Variants in TSHZ2 observed in about 807,000 individuals in gnomAD.
TSHZ2 encodes teashirt homolog 2.
A neutral mutation model predicts 74.4 loss-of-function variants in TSHZ2; 21 were observed. The ratio of observed to expected loss-of-function variants is 0.28; its 90% CI spans 0.20 to 0.41. TSHZ2 has a LOEUF of 0.41. Ranked by LOEUF, TSHZ2 falls within the 10% of genes least tolerant of loss-of-function variation. The probability of loss-of-function intolerance (pLI) is 1.00; values close to 1 mark genes in which losing one functional copy is unlikely to be tolerated. For synonymous variants in TSHZ2, 540 were observed against 515.3 expected (o/e 1.05, Z -0.65); for missense variants, 1,244 against 1,293.5 (o/e 0.96, Z 0.59).
intron 1 of TSHZ2, among the ~76,000 whole-genome samples, chr20:53,150,519 T>C (rs906951727): frequency 2.0e-5 from 3 of 152,208 alleles, no homozygotes; most frequent in Non-Finnish European, 4.4e-5. Context: ...ATATCCTCAA[T>C]TTAGTCTCTT....
rs1981194441 is a variant in TSHZ2, at chr20:52,973,228, G to C, written c.-66G>C. 1 of 1,548,790 alleles carries C rather than the reference G, an allele frequency of 6.5e-7. No homozygotes were observed. On this transcript the variant is annotated 5_prime_UTR_variant, in exon 1 of 3. Coordinates refer to ENST00000371497, the MANE Select transcript of TSHZ2 (RefSeq NM_173485.6). ...GGAGGAGACCCAGAGAGGCCAGAGA[G>C]ACAGCGGGCCCCAGCGCGCGGCTCG... is the stretch of plus-strand genomic sequence containing the variant.
chr20:53,257,020 T>C (rs909908193), intron 2 of TSHZ2, among the ~76,000 whole-genome samples: 8 of 152,242 alleles, frequency 5.3e-5, no homozygotes, highest in African/African-American at 1.9e-4. Flanking sequence ...TGGAGAGTGC[T>C]AGAAGTAGTT....
intron 2 of TSHZ2, among the ~76,000 whole-genome samples, chr20:53,470,092 T>C (rs1056538850): frequency 6.6e-6 from 1 of 152,150 alleles, no homozygotes; most frequent in Non-Finnish European, 1.5e-5. Context: ...TTTTGTGACC[T>C]CCCTTTCCGA....
At chr20:53,207,684 T>A (rs1209688351) in intron 1 of TSHZ2, among the ~76,000 whole-genome samples, 3 of 151,944 alleles carry the variant, frequency 2.0e-5, no homozygotes, top group African/African-American at 4.8e-5. Context: ...TTTATTTTTT[T>A]ATTTATTTTA....
chr20:53,436,009 T>TA (rs757286904), intron 2 of TSHZ2, among the ~76,000 whole-genome samples: 2 of 152,242 alleles, frequency 1.3e-5, no homozygotes, highest in African/African-American at 2.4e-5. Flanking sequence ...GCCTTGCACG[T>TA]AACAAGTGCT....
intron 2 of TSHZ2, among the ~76,000 whole-genome samples, chr20:53,451,636 C>G (rs889220558): frequency 6.6e-6 from 1 of 152,204 alleles, no homozygotes; most frequent in Non-Finnish European, 1.5e-5. Flanking sequence ...TGTCATGACA[C>G]TGTCTCTCTT....
At chr20:53,453,646 G>A (rs912240222) in intron 2 of TSHZ2, among the ~76,000 whole-genome samples, 4 of 152,176 alleles carry the variant, frequency 2.6e-5, no homozygotes, top group East Asian at 1.9e-4. Flanking sequence ...GTAGGGAGCC[G>A]CTGGCTCTCC....
chr20:53,373,303 A>G (rs156616), intron 2 of TSHZ2, among the ~76,000 whole-genome samples: 3 of 152,218 alleles, frequency 2.0e-5, no homozygotes, highest in Non-Finnish European at 2.9e-5. Context: ...GGAATGATAA[A>G]TTATGAAGAA....
At chr20:53,099,681 C>A (rs1009775043) in intron 1 of TSHZ2, among the ~76,000 whole-genome samples, 3 of 152,122 alleles carry the variant, frequency 2.0e-5, no homozygotes, top group African/African-American at 4.8e-5. Context: ...TGGCAGCCGG[C>A]AAGAAAGAAT....
chr20:53,192,790 T>G (rs1282876285), intron 1 of TSHZ2, among the ~76,000 whole-genome samples: 2 of 152,316 alleles, frequency 1.3e-5, no homozygotes, highest in East Asian at 3.9e-4. Flanking sequence ...CAACTTGAGC[T>G]CACATCTCCT....
intron 1 of TSHZ2, among the ~76,000 whole-genome samples, chr20:53,244,221 A>C (rs1328121474): frequency 6.6e-6 from 1 of 152,104 alleles, no homozygotes; most frequent in East Asian, 1.9e-4. Context: ...GAAAAAAAAA[A>C]CCTCTCCAGT....
intron 1 of TSHZ2, among the ~76,000 whole-genome samples, chr20:52,989,810 T>C (rs1034524806): frequency 3.3e-5 from 5 of 152,116 alleles, no homozygotes; most frequent in Non-Finnish European, 7.4e-5. Flanking sequence ...TTCGTATATG[T>C]TTTTAAAAGA....
At chr20:53,215,569 T>C (rs902308692) in intron 1 of TSHZ2, among the ~76,000 whole-genome samples, 6 of 150,362 alleles carry the variant, frequency 4.0e-5, no homozygotes, top group African/African-American at 9.8e-5. Context: ...AGAGACTATA[T>C]TAAAAATGTA....
At chr20:53,195,837 T>G (rs888340726) in intron 1 of TSHZ2, among the ~76,000 whole-genome samples, 1 of 152,194 alleles carries the variant, frequency 6.6e-6, no homozygotes, top group African/African-American at 2.4e-5. Context: ...TTCTCTCTTC[T>G]GCCCTCCCTC....
At chr20:53,462,613 G>C (rs1340309715) in intron 2 of TSHZ2, among the ~76,000 whole-genome samples, 1 of 152,166 alleles carries the variant, frequency 6.6e-6, no homozygotes, top group Non-Finnish European at 1.5e-5. Context: ...GGCTGTGCTT[G>C]GGAGGACTGA....
intron 1 of TSHZ2, among the ~76,000 whole-genome samples, chr20:53,050,124 T>TATATGTGTATATATATATATAC (rs1409158633): frequency 9.3e-6 from 1 of 107,236 alleles, no homozygotes; most frequent in Admixed American, 8.3e-5. Context: ...TATATATATA[T>TATATGTGTATATATATATATAC]ACACATATAT....
chr20:53,048,081 C>A (rs1037844786), intron 1 of TSHZ2, among the ~76,000 whole-genome samples: 1 of 152,180 alleles, frequency 6.6e-6, no homozygotes, highest in African/African-American at 2.4e-5. Flanking sequence ...TTGAATACAG[C>A]TGGCGCTGAC....
At chr20:53,157,055 C>T (rs1987812174) in intron 1 of TSHZ2, among the ~76,000 whole-genome samples, 1 of 152,214 alleles carries the variant, frequency 6.6e-6, no homozygotes, top group Admixed American at 6.5e-5. Flanking sequence ...AGCTTTATTA[C>T]TGCATGTGTG....
chr20:53,169,988 G>T (rs1405274923), intron 1 of TSHZ2, among the ~76,000 whole-genome samples: 4 of 152,026 alleles, frequency 2.6e-5, no homozygotes, highest in Admixed American at 2.6e-4. Context: ...TTTCTGATCT[G>T]CATACCACCA....
Sources: allele counts gnomAD v4.1 joint callset (sites outside exome capture counted in the v4.1 genomes callset), GRCh38; gene constraint gnomAD v4.1.1; transcripts MANE v1.5; gene names NCBI Gene and HGNC (gene_info 2026-07-23, HGNC 2026-07-21).